The following NEK10 variants were observed in gnomAD, a reference collection of about 807,000 sequenced individuals.
NEK10 encodes serine/threonine-protein kinase Nek10.
NEK10 carries 122 observed loss-of-function variants against 159.8 expected under a neutral mutation model. The ratio of observed to expected loss-of-function variants is 0.76; its 90% CI spans 0.66 to 0.89. The LOEUF (loss-of-function observed/expected upper bound fraction) is 0.89. NEK10 is among the 40% of genes least tolerant of loss of function. The probability of loss-of-function intolerance (pLI) is 0.00; values close to 1 mark genes in which losing one functional copy is unlikely to be tolerated. For missense variants in NEK10, 1,342 were observed against 1,323.1 expected, an observed-to-expected ratio of 1.01 and a Z score of -0.22; for synonymous variants, 466 against 457.1, an observed-to-expected ratio of 1.02 and a Z score of -0.25.
In NEK10 at chr3:27,311,019, A is replaced by G; in HGVS notation, c.569-3T>C. On this transcript the variant is annotated splice_polypyrimidine_tract_variant and splice_region_variant and intron_variant, in intron 8 of 35. Coordinates refer to ENST00000691995, the MANE Select transcript of NEK10 (RefSeq NM_001394966.1). Reference sequence around the variant, plus strand: ...TGCAGCAAGTTTTTGAAAAATATCTATAAAGGAAAGAAAGAGCGCAAAGAG... The same window carrying G: ...TGCAGCAAGTTTTTGAAAAATATCTGTAAAGGAAAGAAAGAGCGCAAAGAG... 6.9e-6 allele frequency: 11 copies of G among 1,602,446 alleles called. No homozygotes were observed. Among genetic ancestry groups the G allele is most frequent in the Non-Finnish European group, 8.5e-6 (10 of 1,169,806 alleles).
chr3:27,172,333 CAAAAAAAAAAAA>C (rs57112652), intron 28 of NEK10, among the ~76,000 whole-genome samples: 1 of 63,018 alleles, frequency 1.6e-5, no homozygotes, highest in South Asian at 7.1e-4. Context: ...GACCCCGTCT[CAAAAAAAAAAAA>C]AAAAAAAAAA....
In NEK10 at chr3:27,291,938, G is replaced by A. The variant is rs538252271; in HGVS notation, c.1374-352C>T. Reference sequence around the variant, plus strand: ...ATTACAGGTGTGAGCCACCGCACCCGGCCCATTACTTCCCTTTTGAATGCA... The same window carrying A: ...ATTACAGGTGTGAGCCACCGCACCCAGCCCATTACTTCCCTTTTGAATGCA... On this transcript the variant is annotated intron_variant, in intron 16 of 35. Transcript: ENST00000691995. 1.1e-4 allele frequency among the ~76,000 whole-genome samples: 16 copies of A among 152,022 alleles called. No individual in the cohort carries two copies. In the East Asian group the frequency reaches 2.1e-3, roughly 20 times the overall value.
chr3:27,348,234 T>C (rs2047707195), intron 3 of NEK10, among the ~76,000 whole-genome samples: 1 of 152,140 alleles, frequency 6.6e-6, no homozygotes, highest in Admixed American at 6.6e-5. Flanking sequence ...TAAACCCCCT[T>C]ACCATTAGTA....
At chr3:27,345,135 A>G (rs1212093919) in intron 4 of NEK10, among the ~76,000 whole-genome samples, 1 of 152,204 alleles carries the variant, frequency 6.6e-6, no homozygotes, top group East Asian at 1.9e-4. Flanking sequence ...TCTAGAACAA[A>G]TAAGCTGGAA....
At chr3:27,196,550 G>A (rs994019733) in intron 25 of NEK10, among the ~76,000 whole-genome samples, 7 of 152,146 alleles carry the variant, frequency 4.6e-5, no homozygotes, top group Non-Finnish European at 8.8e-5. Flanking sequence ...CCAGAACTTG[G>A]TGACGCTCTA....
chr3:27,148,541 T>C (rs1575507326), intron 30 of NEK10, among the ~76,000 whole-genome samples: 1 of 152,226 alleles, frequency 6.6e-6, no homozygotes, highest in African/African-American at 2.4e-5. Flanking sequence ...CTTCTGTCAC[T>C]GTCCTCAATT....
intron 26 of NEK10, among the ~76,000 whole-genome samples, chr3:27,186,905 G>T (rs1948675361): frequency 6.6e-6 from 1 of 152,146 alleles, no homozygotes; most frequent in East Asian, 1.9e-4. Context: ...TGTGTCTTGT[G>T]CCAATGTAGA....
chr3:27,237,478 A>C lies in NEK10; in HGVS notation c.2090+18818T>G, dbSNP rs1352410306. On this transcript the variant is annotated intron_variant, in intron 23 of 35. Transcript: ENST00000691995. ...AAAAGTATTAATTTTGGGAACTGATAAATGTCCATGAAATCTTCACAATTT... is the reference window on the plus strand; with the variant it reads ...AAAAGTATTAATTTTGGGAACTGATCAATGTCCATGAAATCTTCACAATTT... Among the ~76,000 whole-genome samples the C allele has an allele frequency of 2.0e-5, 3 of 152,204 alleles. No individual in the cohort carries two copies. The East Asian group carries it at 5.8e-4, about 29-fold the overall frequency.
At chr3:27,261,973 T>C (rs2040454744) in intron 22 of NEK10, among the ~76,000 whole-genome samples, 1 of 152,212 alleles carries the variant, frequency 6.6e-6, no homozygotes, top group African/African-American at 2.4e-5. Context: ...TTTACCATTA[T>C]GTAATGGCCT....
chr3:27,340,071 A>G (rs2047094493), intron 5 of NEK10, among the ~76,000 whole-genome samples: 1 of 152,210 alleles, frequency 6.6e-6, no homozygotes, highest in Non-Finnish European at 1.5e-5. Context: ...TGTTTATTGC[A>G]GCACCATTTT....
At chr3:27,248,963 T>C (rs1192665919) in intron 23 of NEK10, among the ~76,000 whole-genome samples, 1 of 152,208 alleles carries the variant, frequency 6.6e-6, no homozygotes, top group Non-Finnish European at 1.5e-5. Context: ...AGTCTCCAGC[T>C]ATTATTGTTG....
intron 1 of NEK10, among the ~76,000 whole-genome samples, chr3:27,366,250 C>T (rs1201113750): frequency 6.6e-6 from 1 of 152,102 alleles, no homozygotes; most frequent in East Asian, 1.9e-4. Flanking sequence ...CTTGCCAATC[C>T]CATATCTAGG....
intron 1 of NEK10, among the ~76,000 whole-genome samples, chr3:27,353,773 A>C (rs1373169169): frequency 6.6e-6 from 1 of 152,166 alleles, no homozygotes; most frequent in Admixed American, 6.5e-5. Flanking sequence ...AACTGCTAAA[A>C]GGTTAAAGAA....
At chr3:27,310,309 T>A (rs893101632) in intron 9 of NEK10, 3 of 152,220 alleles carry the variant, frequency 2.0e-5, no homozygotes, top group Admixed American at 2.0e-4. Flanking sequence ...ATAATACCTG[T>A]GAAATAGCTG....
intron 23 of NEK10, among the ~76,000 whole-genome samples, chr3:27,240,850 C>T (rs953448403): frequency 1.3e-5 from 2 of 151,610 alleles, no homozygotes; most frequent in African/African-American, 4.9e-5. Context: ...GACAGGGTTA[C>T]ACCATGTTGG....
chr3:27,280,732 C>A (rs965742847), intron 22 of NEK10, among the ~76,000 whole-genome samples: 22 of 152,150 alleles, frequency 1.4e-4, no homozygotes, highest in African/African-American at 5.3e-4. Flanking sequence ...CTTCTGACAG[C>A]CTTTTTCATG....
At chr3:27,249,329 TAATAC>T (rs1365781868) in intron 23 of NEK10, among the ~76,000 whole-genome samples, 2 of 152,190 alleles carry the variant, frequency 1.3e-5, no homozygotes, top group Non-Finnish European at 2.9e-5. Flanking sequence ...GAAAACAGAC[TAATAC>T]AATTATATTT....
chr3:27,118,044 A>C (rs1940738657), intron 33 of NEK10, among the ~76,000 whole-genome samples: 1 of 152,196 alleles, frequency 6.6e-6, no homozygotes, highest in Non-Finnish European at 1.5e-5. Context: ...GTGGCTAGTC[A>C]GTTCTCCCAG....
rs938041150 is a variant in NEK10, at chr3:27,111,309, T to C, written c.3311A>G (p.Tyr1104Cys). The C allele has an allele frequency of 8.1e-6, 13 of 1,606,874 alleles. No homozygotes were observed. In the Admixed American group the frequency reaches 1.0e-4, roughly 13 times the overall value. The change falls in exon 36 of 36, where the codon TAT becomes TGT. Residue 1104 changes from tyrosine to cysteine, a missense_variant. Tyr to Cys is a radical substitution (Grantham distance 194). Coordinates refer to ENST00000691995, the MANE Select transcript of NEK10 (RefSeq NM_001394966.1). Reference protein sequence around the residue: ...YNFTSNRYHSYPWGTKNHPTK... With the variant: ...YNFTSNRYHSCPWGTKNHPTK... ...TGGGTGATTCTTGGTCCCCCATGGA[T>C]AGGAATGATACCTATAAGATTCAGA...
Sources: allele counts gnomAD v4.1 joint callset (sites outside exome capture counted in the v4.1 genomes callset), GRCh38; gene constraint gnomAD v4.1.1; transcripts MANE v1.5; gene names NCBI Gene and HGNC (gene_info 2026-07-23, HGNC 2026-07-21).